The following PPP2R2B variants were observed in gnomAD, a reference collection of about 807,000 sequenced individuals.
PPP2R2B encodes the protein serine/threonine-protein phosphatase 2A 55 kDa regulatory subunit B beta isoform.
A neutral mutation model predicts 46.0 loss-of-function variants in PPP2R2B; 5 were observed. That is an observed-to-expected ratio of 0.11 (90% confidence interval 0.06 to 0.23). The LOEUF is 0.23. Among genes scored for constraint, PPP2R2B ranks in the 10% least tolerant of loss-of-function variants. The probability of loss-of-function intolerance (pLI) is 1.00; values close to 1 mark genes in which losing one functional copy is unlikely to be tolerated. For synonymous variants in PPP2R2B, 215 were observed against 206.7 expected (o/e 1.04, Z -0.34); for missense variants, 367 against 575.0 (o/e 0.64, Z 3.70).
intron 1 of PPP2R2B, among the ~76,000 whole-genome samples, chr5:146,951,469 C>T (rs997226372): frequency 2.0e-5 from 3 of 151,872 alleles, no homozygotes; most frequent in Non-Finnish European, 4.4e-5. Flanking sequence ...GTATTAAGCC[C>T]GGTATGCATT....
intron 2 of PPP2R2B, among the ~76,000 whole-genome samples, chr5:146,876,098 G>A (rs1221053814): frequency 6.6e-6 from 1 of 152,192 alleles, no homozygotes; most frequent in African/African-American, 2.4e-5. Flanking sequence ...ATTAGTATGT[G>A]TGTGTGTTTG....
intron 7 of PPP2R2B, 64 bp downstream of exon 7, chr5:146,638,187 G>T: frequency 6.6e-7 from 1 of 1,522,976 alleles, no homozygotes; most frequent in Non-Finnish European, 8.9e-7. Context: ...TAAGCTTCCA[G>T]GCTCTCCCCC....
At chr5:146,884,605 A>G (rs907026064) in intron 1 of PPP2R2B, among the ~76,000 whole-genome samples, 2 of 152,214 alleles carry the variant, frequency 1.3e-5, no homozygotes, top group African/African-American at 2.4e-5. Context: ...TAGTTAGGAT[A>G]TTGATGCAAA....
chr5:147,047,117 G>A (rs1002383253), intron 1 of PPP2R2B, among the ~76,000 whole-genome samples: 5 of 152,012 alleles, frequency 3.3e-5, no homozygotes, highest in Admixed American at 6.6e-5. Context: ...TGCAGGCCCA[G>A]GGTTCTTCCT....
chr5:146,871,852 G>A (rs901936467), intron 2 of PPP2R2B, among the ~76,000 whole-genome samples: 6 of 152,100 alleles, frequency 3.9e-5, no homozygotes, highest in African/African-American at 1.4e-4. Context: ...AAGTTCCTTT[G>A]GTTCTCTGTA....
At chr5:146,953,074 G>A (rs982509115) in intron 1 of PPP2R2B, among the ~76,000 whole-genome samples, 8 of 152,140 alleles carry the variant, frequency 5.3e-5, no homozygotes, top group African/African-American at 1.7e-4. Flanking sequence ...AAAGCTAAAT[G>A]GCTGATACTC....
chr5:146,773,127 C>A (rs2151272859), intron 2 of PPP2R2B, among the ~76,000 whole-genome samples: 1 of 152,264 alleles, frequency 6.6e-6, no homozygotes, highest in Non-Finnish European at 1.5e-5. Flanking sequence ...ATGCATTTAC[C>A]ATAGTAAACC....
At chr5:146,771,025 G>T (rs935537772) in intron 2 of PPP2R2B, among the ~76,000 whole-genome samples, 9 of 152,168 alleles carry the variant, frequency 5.9e-5, no homozygotes, top group African/African-American at 2.2e-4. Context: ...AAAAGCCACA[G>T]ACAGCTTTCC....
chr5:146,712,694 G>A lies in PPP2R2B; in HGVS notation c.71-11552C>T, dbSNP rs556910955. Among the ~76,000 whole-genome samples the A allele has an allele frequency of 8.5e-5, 13 of 152,252 alleles. No homozygotes were observed. In the South Asian group the frequency reaches 2.5e-3, roughly 29 times the overall value. On this transcript the variant is annotated intron_variant, in intron 2 of 9. Coordinates refer to ENST00000394411, the MANE Select transcript of PPP2R2B (RefSeq NM_181675.4). ...TTGGCTGATCCGGATGGCTAGGCAG[G>A]TGTCTCCTTCCTCCCTCACCACTCT...
rs1354780423 is a variant in PPP2R2B, at chr5:146,581,035, A to G, written c.*8912T>C. 6.6e-6 allele frequency: 1 copy of G among 152,170 alleles called. No homozygotes were observed. Among genetic ancestry groups the G allele is most frequent in the Non-Finnish European group, 1.5e-5 (1 of 68,034 alleles). 9.4% of individuals were successfully genotyped at this position (152,170 alleles called of 1,614,324 possible). A position where few individuals can be genotyped will look rare whatever the true frequency, so the allele number is the denominator to read the frequency against. ...ATGATATTTGTCTGATCTTCAATGA[A>G]TGTATTAATTCTCGAGTTTCAGCTG... On this transcript the variant is annotated 3_prime_UTR_variant, in exon 10 of 10. Coordinates refer to ENST00000394411, the MANE Select transcript of PPP2R2B (RefSeq NM_181675.4).
At chr5:146,693,275 C>T (rs1019224535) in intron 4 of PPP2R2B, among the ~76,000 whole-genome samples, 12 of 151,886 alleles carry the variant, frequency 7.9e-5, no homozygotes, top group Non-Finnish European at 1.5e-4. Context: ...AGTGCATTGG[C>T]GAGATCATGG....
intron 5 of PPP2R2B, among the ~76,000 whole-genome samples, chr5:146,653,461 G>A (rs1033034874): frequency 6.6e-6 from 1 of 152,096 alleles, no homozygotes; most frequent in Admixed American, 6.5e-5. Context: ...TGTCACAAAG[G>A]AGCTCCCCAC....
intron 8 of PPP2R2B, among the ~76,000 whole-genome samples, chr5:146,596,310 G>A (rs1771165451): frequency 6.6e-6 from 1 of 152,224 alleles, no homozygotes; most frequent in African/African-American, 2.4e-5. Context: ...ATGCATGTAT[G>A]AAAATGTATA....
At chr5:146,633,292 CCTT>C (rs1176304081) in intron 7 of PPP2R2B, among the ~76,000 whole-genome samples, 45 of 152,346 alleles carry the variant, frequency 3.0e-4, no homozygotes, top group African/African-American at 9.1e-4. Flanking sequence ...TAAATACTCT[CCTT>C]CTCAGAGCTC....
At chr5:146,601,810 T>C (rs1036427910) in intron 7 of PPP2R2B, among the ~76,000 whole-genome samples, 10 of 152,220 alleles carry the variant, frequency 6.6e-5, no homozygotes, top group African/African-American at 2.2e-4. Context: ...ATTAGCCAAA[T>C]AGTGTACATT....
chr5:146,629,620 A>G (rs1774287955), intron 7 of PPP2R2B, among the ~76,000 whole-genome samples: 1 of 152,088 alleles, frequency 6.6e-6, no homozygotes, highest in South Asian at 2.1e-4. Flanking sequence ...TCTCACTTAG[A>G]GTGAAATGCA....
intron 1 of PPP2R2B, among the ~76,000 whole-genome samples, chr5:147,015,148 A>G (rs1199877294): frequency 6.6e-6 from 1 of 151,820 alleles, no homozygotes; most frequent in Non-Finnish European, 1.5e-5. Flanking sequence ...AGTACATAAA[A>G]CAGTGCCTGA....
chr5:146,858,037 C>T (rs1028979686), intron 2 of PPP2R2B, among the ~76,000 whole-genome samples: 1 of 152,186 alleles, frequency 6.6e-6, no homozygotes, highest in Non-Finnish European at 1.5e-5. Context: ...GCAATTACTA[C>T]CTACTATTTT....
chr5:147,038,109 T>C (rs1756126451), intron 1 of PPP2R2B, among the ~76,000 whole-genome samples: 1 of 152,198 alleles, frequency 6.6e-6, no homozygotes, highest in Non-Finnish European at 1.5e-5. Context: ...CACTTCCTGG[T>C]ATAGTTTTTA....
Sources: gnomAD v4.1 joint callset for allele counts (sites outside exome capture counted in the v4.1 genomes callset) on GRCh38, gnomAD v4.1.1 for gene constraint, MANE v1.5 for transcripts, NCBI Gene and HGNC (gene_info 2026-07-23, HGNC 2026-07-21) for gene names.